The following ZNF385D variants were observed in gnomAD, a reference collection of about 807,000 sequenced individuals.
ZNF385D encodes the protein zinc finger protein 385D, also known as zinc finger protein 659.
ZNF385D carries 15 observed loss-of-function variants against 35.8 expected under a neutral mutation model. The ratio of observed to expected loss-of-function variants is 0.42; its 90% CI spans 0.28 to 0.64. ZNF385D has a LOEUF of 0.64. Ranked by LOEUF, ZNF385D falls within the 30% of genes least tolerant of loss-of-function variation. The pLI, the probability that ZNF385D is intolerant of heterozygous loss-of-function variation, is 0.23. For missense variants in ZNF385D, 474 were observed against 494.6 expected, an observed-to-expected ratio of 0.96 and a Z score of 0.39; for synonymous variants, 212 against 186.8, an observed-to-expected ratio of 1.13 and a Z score of -1.10.
At chr3:21,915,176 C>T (rs141082734) in intron 3 of ZNF385D, among the ~76,000 whole-genome samples, 44 of 151,886 alleles carry the variant, frequency 2.9e-4, no homozygotes, top group African/African-American at 9.2e-4. Flanking sequence ...CGTTACTTGA[C>T]GGTACTGAGG....
Position 21,969,375 on chromosome 3 carries a change from G to A in ZNF385D, c.325+199442C>T, listed in dbSNP as rs142598936. Reference sequence around the variant, plus strand: ...TAGGGAGTTCTCACAAGATCTGATGGTTTTATAAGGGGCTCATCCCTCTTT... The same window carrying A: ...TAGGGAGTTCTCACAAGATCTGATGATTTTATAAGGGGCTCATCCCTCTTT... On this transcript the variant is annotated intron_variant, in intron 3 of 5. Transcript: ENST00000494108. 2.2e-3 allele frequency among the ~76,000 whole-genome samples: 330 copies of A among 152,186 alleles called. 1 individual carries two copies. The highest frequency in any genetic ancestry group is 7.5e-3 in the African/African-American group (312 of 41,534).
At chr3:21,833,406 T>G (rs561660469) in intron 3 of ZNF385D, among the ~76,000 whole-genome samples, 24 of 152,300 alleles carry the variant, frequency 1.6e-4, no homozygotes, top group Admixed American at 1.5e-3. Context: ...CAATCACATG[T>G]ATCTTGTAAG....
intron 3 of ZNF385D, among the ~76,000 whole-genome samples, chr3:21,819,262 A>T (rs944098349): frequency 6.6e-6 from 1 of 151,934 alleles, no homozygotes; most frequent in South Asian, 2.1e-4. Flanking sequence ...TGAATTTAAC[A>T]TATCATTAAT....
At chr3:22,013,509 G>T (rs116175409) in intron 3 of ZNF385D, among the ~76,000 whole-genome samples, 1 of 151,864 alleles carries the variant, frequency 6.6e-6, no homozygotes, top group Non-Finnish European at 1.5e-5. Flanking sequence ...TTGATATTTC[G>T]GTTGGTGTCT....
intron 3 of ZNF385D, among the ~76,000 whole-genome samples, chr3:21,992,687 T>C (rs1023762455): frequency 6.6e-6 from 1 of 152,204 alleles, no homozygotes; most frequent in African/African-American, 2.4e-5. Context: ...GATGAGCATG[T>C]TCCCAAGTCA....
intron 3 of ZNF385D, among the ~76,000 whole-genome samples, chr3:22,149,550 G>T (rs1705089943): frequency 6.6e-6 from 1 of 152,128 alleles, no homozygotes; most frequent in Non-Finnish European, 1.5e-5. Flanking sequence ...CCCAATAATT[G>T]AATTTCACCA....
intron 3 of ZNF385D, among the ~76,000 whole-genome samples, chr3:21,921,635 A>G (rs982355390): frequency 1.3e-5 from 2 of 152,064 alleles, no homozygotes; most frequent in Non-Finnish European, 2.9e-5. Context: ...ACCTAAAAAA[A>G]GAGACATAAA....
chr3:22,215,282 A>G (rs572779778), intron 2 of ZNF385D, among the ~76,000 whole-genome samples: 10 of 152,074 alleles, frequency 6.6e-5, no homozygotes, highest in Non-Finnish European at 1.5e-4. Context: ...AAGGAACAAG[A>G]GAGATAACCT....
At chr3:22,310,476 A>G (rs1235579635) in intron 2 of ZNF385D, among the ~76,000 whole-genome samples, 1 of 151,998 alleles carries the variant, frequency 6.6e-6, no homozygotes, top group Non-Finnish European at 1.5e-5. Flanking sequence ...TAGAACATTT[A>G]TGCTATATCC....
chr3:21,785,358 TAC>T (rs1477731349), intron 3 of ZNF385D, among the ~76,000 whole-genome samples: 1 of 152,208 alleles, frequency 6.6e-6, no homozygotes, highest in South Asian at 2.1e-4. Context: ...CATCATTTCC[TAC>T]AGTTACCATC....
At chr3:21,870,563 C>A (rs1455517909) in intron 3 of ZNF385D, among the ~76,000 whole-genome samples, 1 of 152,154 alleles carries the variant, frequency 6.6e-6, no homozygotes, top group Non-Finnish European at 1.5e-5. Flanking sequence ...AGCTGAGATT[C>A]ATATTTATGA....
In ZNF385D at chr3:21,909,216, T is replaced by A. The variant is rs1699841307; in HGVS notation, c.326-244188A>T. Among the ~76,000 whole-genome samples the A allele has an allele frequency of 1.3e-5, 2 of 152,072 alleles. 1 individual carries two copies. The highest frequency in any genetic ancestry group is 4.1e-4 in the South Asian group (2 of 4,834). ...ATACGGATATAATACGGTCCACATATGGAAGCAATCACATTCCATTTTTGG... is the reference window on the plus strand; with the variant it reads ...ATACGGATATAATACGGTCCACATAAGGAAGCAATCACATTCCATTTTTGG... On this transcript the variant is annotated intron_variant, in intron 3 of 5. Coordinates refer to the ZNF385D transcript ENST00000494108.
At chr3:21,430,326 T>C (rs118180938) in intron 5 of ZNF385D, among the ~76,000 whole-genome samples, 6 of 152,156 alleles carry the variant, frequency 3.9e-5, no homozygotes, top group East Asian at 1.9e-4. Flanking sequence ...AAAGTCCAAT[T>C]TGGAAAGGTG....
intron 3 of ZNF385D, among the ~76,000 whole-genome samples, chr3:22,065,091 T>C (rs1350304962): frequency 6.6e-6 from 1 of 152,198 alleles, no homozygotes; most frequent in African/African-American, 2.4e-5. Context: ...TAGCCTTTCC[T>C]GGCTTTGATT....
chr3:21,600,510 GA>G (rs1170804726), intron 2 of ZNF385D, among the ~76,000 whole-genome samples: 1 of 152,040 alleles, frequency 6.6e-6, no homozygotes, highest in African/African-American at 2.4e-5. Context: ...ATTAAAACAA[GA>G]AAAAAACAGC....
At chr3:22,174,387 C>T (rs1442020619) in intron 2 of ZNF385D, among the ~76,000 whole-genome samples, 2 of 152,152 alleles carry the variant, frequency 1.3e-5, no homozygotes, top group Non-Finnish European at 2.9e-5. Context: ...GACAATGAAA[C>T]GTCTGTAGAT....
At chr3:21,729,549 G>A (rs1027796599) in intron 1 of ZNF385D, among the ~76,000 whole-genome samples, 1 of 152,034 alleles carries the variant, frequency 6.6e-6, no homozygotes, top group African/African-American at 2.4e-5. Flanking sequence ...TCCCCACAAG[G>A]TACTTTAAAG....
intron 3 of ZNF385D, among the ~76,000 whole-genome samples, chr3:22,074,912 C>T (rs973440873): frequency 2.6e-5 from 4 of 151,744 alleles, no homozygotes; most frequent in African/African-American, 9.7e-5. Flanking sequence ...ACATGAGCAA[C>T]GTCACCATCA....
intron 3 of ZNF385D, among the ~76,000 whole-genome samples, chr3:21,525,510 C>A (rs1298256573): frequency 6.6e-6 from 1 of 151,704 alleles, no homozygotes; most frequent in Admixed American, 6.6e-5. Flanking sequence ...CATGGAGAAA[C>A]CCCGTCTCTA....
Sources: gnomAD v4.1 joint callset for allele counts (sites outside exome capture counted in the v4.1 genomes callset) on GRCh38, gnomAD v4.1.1 for gene constraint, MANE v1.5 for transcripts, NCBI Gene and HGNC (gene_info 2026-07-23, HGNC 2026-07-21) for gene names.